CLASP2: variants seen among roughly 807,000 people sequenced by gnomAD.
The protein encoded by CLASP2 is cytoplasmic linker associated protein 2, also known as CLIP-associating protein 2.
CLASP2 carries 47 observed loss-of-function variants against 194.4 expected under a neutral mutation model. The observed-to-expected ratio is 0.24, with a 90% CI of 0.19 to 0.31. CLASP2 has a LOEUF of 0.31. CLASP2 is among the 10% of genes least tolerant of loss of function. The probability of loss-of-function intolerance (pLI) is 1.00; values close to 1 mark genes in which losing one functional copy is unlikely to be tolerated. For missense variants in CLASP2, 1,445 were observed against 1,823.6 expected (o/e 0.79, Z 3.78); for synonymous variants, 619 against 633.5 (o/e 0.98, Z 0.34).
chr3:33,616,624 A>C (rs1313891188), intron 12 of CLASP2, among the ~76,000 whole-genome samples: 1 of 151,846 alleles, frequency 6.6e-6, no homozygotes, highest in East Asian at 1.9e-4. Flanking sequence ...CCATAATCTA[A>C]TATACTATAT....
At chr3:33,702,297 G>A (rs939582424) in intron 1 of CLASP2, among the ~76,000 whole-genome samples, 2 of 152,104 alleles carry the variant, frequency 1.3e-5, no homozygotes, top group African/African-American at 4.8e-5. Context: ...ATAAATTAAT[G>A]AAATAGAACT....
At chr3:33,666,732 G>C (rs886309068) in intron 6 of CLASP2, among the ~76,000 whole-genome samples, 1 of 152,156 alleles carries the variant, frequency 6.6e-6, no homozygotes, top group Non-Finnish European at 1.5e-5. Flanking sequence ...GCCAGGAATG[G>C]AATTACTAGG....
chr3:33,711,396 C>G (rs2092998896), intron 1 of CLASP2, among the ~76,000 whole-genome samples: 1 of 151,850 alleles, frequency 6.6e-6, no homozygotes, highest in African/African-American at 2.4e-5. Flanking sequence ...CAGGCATGCA[C>G]CACCATACCT....
At chr3:33,559,270 T>C in intron 29 of CLASP2, 37 bp downstream of exon 29, 1 of 1,187,768 alleles carries the variant, frequency 8.4e-7, no homozygotes, top group Non-Finnish European at 1.2e-6. Context: ...AATACTTCAA[T>C]TCTTTATAAT....
chr3:33,615,571 A>G (rs1051671612), intron 12 of CLASP2, among the ~76,000 whole-genome samples: 8 of 151,858 alleles, frequency 5.3e-5, no homozygotes, highest in Admixed American at 1.3e-4. Context: ...TAAAAAAAAA[A>G]AGAGACCATA....
chr3:33,584,750 C>A lies in CLASP2; in HGVS notation c.2239G>T (p.Ala747Ser). The A allele has an allele frequency of 6.4e-7, 1 of 1,559,074 alleles. No individual in the cohort carries two copies. Among genetic ancestry groups the A allele is most frequent in the Non-Finnish European group, 8.6e-7 (1 of 1,159,986 alleles). Residue 747 changes from alanine to serine, a missense_variant and splice_region_variant, in exon 22 of 39, where the codon GCC becomes TCC. Coordinates refer to ENST00000682230, the MANE Select transcript of CLASP2 (RefSeq NM_001365631.1). Reference sequence around the variant, plus strand: ...CATAAAAAAAAAAAAAAAATCTTACCCACTGAAAGCCTAGATGGACTAGCC... The same window carrying A: ...CATAAAAAAAAAAAAAAAATCTTACACACTGAAAGCCTAGATGGACTAGCC... ...REASPSRLSV[A>S]RSSRIPRPSV...
In CLASP2 at chr3:33,535,346, G is replaced by A. The variant is rs1397974088; in HGVS notation, c.3674C>T (p.Ser1225Phe). 3 of 1,613,872 alleles carry A rather than the reference G, an allele frequency of 1.9e-6. No homozygotes were observed. The highest frequency in any genetic ancestry group is 2.5e-6 in the Non-Finnish European group (3 of 1,179,832). ...SLLHSMPTHS[S>F]PRSRDYNPYN... ...TGGATTATAGTCTCGAGAGCGTGGA[G>A]AGGAGTGAGTAGGCATTGAATGGAG... The change falls in exon 34 of 39, where the codon TCT becomes TTT. Residue 1225 changes from serine (S) to phenylalanine (F), a missense_variant. Ser to Phe is a radical substitution (Grantham distance 155, BLOSUM62 -2). Around this residue, in one of 4 missense-constraint regions of CLASP2, gnomAD observed 732 missense variants for 987.9 expected, o/e 0.74. Transcript: ENST00000682230.
intron 28 of CLASP2, 98 bp from the exon 29 acceptor site, chr3:33,559,483 C>T: frequency 1.5e-6 from 1 of 687,186 alleles, no homozygotes; most frequent in Non-Finnish European, 2.5e-6. Context: ...TAATGTCATC[C>T]AAAAAACATC....
chr3:33,643,961 CATTT>C (rs1435427789), intron 8 of CLASP2, among the ~76,000 whole-genome samples: 1 of 151,974 alleles, frequency 6.6e-6, no homozygotes, highest in Admixed American at 6.6e-5. Context: ...CTAAGACATA[CATTT>C]ATTTTTAAAA....
chr3:33,709,455 T>C (rs1420141660), intron 1 of CLASP2, among the ~76,000 whole-genome samples: 3 of 152,102 alleles, frequency 2.0e-5, no homozygotes, highest in Non-Finnish European at 4.4e-5. Context: ...AGGGTCCTTA[T>C]AAGGGGGAAT....
intron 37 of CLASP2, among the ~76,000 whole-genome samples, chr3:33,505,930 A>C (rs1486890850): frequency 6.6e-6 from 1 of 152,098 alleles, no homozygotes; most frequent in Non-Finnish European, 1.5e-5. Flanking sequence ...CACCACCTAA[A>C]ACAAACAGGA....
At chr3:33,532,947 A>C (rs2154131011) in intron 34 of CLASP2, among the ~76,000 whole-genome samples, 1 of 152,314 alleles carries the variant, frequency 6.6e-6, no homozygotes, top group South Asian at 2.1e-4. Flanking sequence ...ACAGAGCATC[A>C]GGTTGGTAAT....
intron 37 of CLASP2, chr3:33,502,232 G>C (rs1261733718): frequency 6.5e-6 from 1 of 152,960 alleles, no homozygotes; most frequent in Non-Finnish European, 1.5e-5. Context: ...AATAAATCTA[G>C]TCTATGTAAA....
intron 13 of CLASP2, 111 bp downstream of exon 13, chr3:33,611,890 G>T: frequency 1.4e-6 from 1 of 719,764 alleles, no homozygotes. Flanking sequence ...ACTTTTTTAT[G>T]GTTTTCTGGA....
intron 30 of CLASP2, among the ~76,000 whole-genome samples, chr3:33,548,322 G>A (rs2059464591): frequency 1.3e-5 from 2 of 151,664 alleles, no homozygotes; most frequent in Admixed American, 1.3e-4. Context: ...TTTTGAGACA[G>A]AGTCTCCCTC....
intron 12 of CLASP2, among the ~76,000 whole-genome samples, 193 bp downstream of exon 12, chr3:33,619,410 T>C (rs2076754067): frequency 6.6e-6 from 1 of 152,130 alleles, no homozygotes; most frequent in South Asian, 2.1e-4. Context: ...CCTCTAGTTC[T>C]ATAATGACCA....
At chr3:33,609,934 T>C (rs2074756368) in intron 13 of CLASP2, among the ~76,000 whole-genome samples, 2 of 152,052 alleles carry the variant, frequency 1.3e-5, no homozygotes, top group Non-Finnish European at 1.5e-5. Context: ...AGTGATGGAG[T>C]TAAACTTAAA....
intron 1 of CLASP2, 73 bp from the exon 2 acceptor site, chr3:33,697,006 C>A: frequency 2.4e-6 from 2 of 816,506 alleles, no homozygotes; most frequent in Admixed American, 2.7e-5. Context: ...TAATTTTTGA[C>A]ATATAAAAGA....
intron 9 of CLASP2, among the ~76,000 whole-genome samples, chr3:33,630,221 C>G (rs2078815718): frequency 6.6e-6 from 1 of 152,174 alleles, no homozygotes; most frequent in Admixed American, 6.6e-5. Context: ...TACACTTCAT[C>G]TGTACTGTCA....
Sources: gnomAD v4.1 joint callset for allele counts (sites outside exome capture counted in the v4.1 genomes callset) on GRCh38, gnomAD v4.1.1 for gene constraint, gnomAD v4.1.1 regional missense constraint, MANE v1.5 for transcripts, NCBI Gene and HGNC (gene_info 2026-07-23, HGNC 2026-07-21) for gene names.